The following KIF26B variants were observed in gnomAD, a reference collection of about 807,000 sequenced individuals.
KIF26B encodes kinesin family member 26B.
Under a neutral mutation model 151.2 loss-of-function variants are expected in KIF26B, and 63 were observed. The ratio of observed to expected loss-of-function variants is 0.42; its 90% CI spans 0.34 to 0.51. KIF26B has a LOEUF of 0.51. Ranked by LOEUF, KIF26B falls within the 20% of genes least tolerant of loss-of-function variation. The pLI, the probability that KIF26B is intolerant of heterozygous loss-of-function variation, is 0.07. For missense variants in KIF26B, 2,813 were observed against 2,913.6 expected (o/e 0.97, Z 0.79); for synonymous variants, 1,357 against 1,262.1 (o/e 1.08, Z -1.59).
At position 245,190,640 on chromosome 1, in the gene KIF26B, T is replaced by G. The variant is rs200300540; in HGVS notation, c.465+33957T>G. 8.3e-3 allele frequency among the ~76,000 whole-genome samples: 474 copies of G among 57,018 alleles called. 21 individuals carry two copies. In the East Asian group the frequency reaches 0.12, roughly 14 times the overall value. The allele number at this position is 57,018 out of a possible 152,430, so 37.4% of individuals were successfully genotyped here. On this transcript the variant is annotated intron_variant, in intron 2 of 14. Transcript: ENST00000407071. ...AGTTTTCCCTGAATGTTTTGTTTTG[T>G]TTTTTTTTTTTTTTACATTTCTTAC...
At chr1:245,586,199 T>TGTGTGTGTGTG (rs1440046570) in intron 5 of KIF26B, among the ~76,000 whole-genome samples, 1 of 118,696 alleles carries the variant, frequency 8.4e-6, no homozygotes, top group African/African-American at 3.4e-5. Flanking sequence ...GTGTGTGTGT[T>TGTGTGTGTGTG]TGTTTTAATA....
At chr1:245,382,568 T>C (rs1673437778) in intron 3 of KIF26B, among the ~76,000 whole-genome samples, 1 of 150,784 alleles carries the variant, frequency 6.6e-6, no homozygotes, top group African/African-American at 2.5e-5. Flanking sequence ...GTTTCTTGTT[T>C]TGTTTTGTTT....
chr1:245,517,311 C>T (rs61829904), intron 4 of KIF26B, among the ~76,000 whole-genome samples: 37,557 of 150,712 alleles, frequency 0.25, 5,643 homozygotes, highest in East Asian at 0.49. Flanking sequence ...GCCAAGATTA[C>T]AGCACTGCAC....
At position 245,392,776 on chromosome 1, in the gene KIF26B, C is replaced by T. The variant is rs1487153652; in HGVS notation, c.999+25409C>T. ...GTGTACAAATTCATGTTGGCCTGTT[C>T]TATGAAATATTCTTTAATTATTTTT... On this transcript the variant is annotated intron_variant, in intron 3 of 14. Transcript: ENST00000407071. 5.9e-5 allele frequency among the ~76,000 whole-genome samples: 9 copies of T among 152,160 alleles called. 1 individual carries two copies. Among genetic ancestry groups the T allele is most frequent in the Admixed American group, 5.2e-4 (8 of 15,266 alleles).
chr1:245,524,630 CTG>C (rs577056603), intron 4 of KIF26B, among the ~76,000 whole-genome samples: 11 of 152,066 alleles, frequency 7.2e-5, no homozygotes, highest in Non-Finnish European at 1.5e-4. Flanking sequence ...AGCTAAGTAA[CTG>C]TTTTTTGTAA....
chr1:245,543,193 G>C (rs1661663136), intron 5 of KIF26B, among the ~76,000 whole-genome samples: 1 of 152,066 alleles, frequency 6.6e-6, no homozygotes, highest in African/African-American at 2.4e-5. Context: ...AGGACATCAG[G>C]GTGCCAAGGC....
chr1:245,317,066 T>C (rs1407582867), intron 2 of KIF26B, among the ~76,000 whole-genome samples: 20 of 152,164 alleles, frequency 1.3e-4, no homozygotes. Flanking sequence ...CTGCCTGGAA[T>C]TTTCCTGCTG....
chr1:245,189,581 A>T (rs976214258), intron 2 of KIF26B, among the ~76,000 whole-genome samples: 4 of 152,112 alleles, frequency 2.6e-5, no homozygotes, highest in Non-Finnish European at 5.9e-5. Flanking sequence ...CTTGTTCTAG[A>T]TGTCCGCTGA....
intron 14 of KIF26B, among the ~76,000 whole-genome samples, chr1:245,700,443 G>A (rs2044754693): frequency 6.6e-6 from 1 of 152,094 alleles, no homozygotes. Flanking sequence ...TGTAATCCCA[G>A]CACCTTGGGA....
intron 14 of KIF26B, 35 bp downstream of exon 14, chr1:245,699,072 G>C (rs775563226): frequency 6.2e-7 from 1 of 1,601,876 alleles, no homozygotes; most frequent in Non-Finnish European, 8.5e-7. Flanking sequence ...CTTGTGACTA[G>C]TGGGTTCACC....
chr1:245,158,959 A>G lies in KIF26B; in HGVS notation c.465+2276A>G, dbSNP rs116681333. Among the ~76,000 whole-genome samples the G allele has an allele frequency of 2.6e-3, 401 of 152,206 alleles. 2 individuals are homozygous for G. The highest frequency in any genetic ancestry group is 4.3e-3 in the Non-Finnish European group (290 of 68,022). On this transcript the variant is annotated intron_variant, in intron 2 of 14. Transcript: ENST00000407071. ...GCAACCTTATAGCCAAACAGTTGCCATGTTCTCTGGTGTACCATGGATGGA... is the reference window on the plus strand; with the variant it reads ...GCAACCTTATAGCCAAACAGTTGCCGTGTTCTCTGGTGTACCATGGATGGA...
chr1:245,594,162 C>G (rs1000630256), intron 5 of KIF26B, among the ~76,000 whole-genome samples: 1 of 152,110 alleles, frequency 6.6e-6, no homozygotes, highest in Admixed American at 6.6e-5. Flanking sequence ...TGCAGAAGCT[C>G]TTAGTTTAAT....
chr1:245,565,076 G>A (rs2042996186), intron 5 of KIF26B, among the ~76,000 whole-genome samples: 1 of 152,184 alleles, frequency 6.6e-6, no homozygotes, highest in Non-Finnish European at 1.5e-5. Flanking sequence ...GTTCAAGGCT[G>A]CAATGAGCTA....
chr1:245,277,573 T>A (rs1670961850), intron 2 of KIF26B, among the ~76,000 whole-genome samples: 1 of 152,072 alleles, frequency 6.6e-6, no homozygotes, highest in South Asian at 2.1e-4. Flanking sequence ...CCAAAACAAG[T>A]TTTAGATAAG....
At chr1:245,480,195 C>T (rs1027399360) in intron 4 of KIF26B, among the ~76,000 whole-genome samples, 2 of 150,300 alleles carry the variant, frequency 1.3e-5, no homozygotes, top group African/African-American at 4.9e-5. Context: ...GGGAGGATCA[C>T]TTGAGCCTGG....
At chr1:245,199,303 CCCCTCCCTCCT>C (rs147219059) in intron 2 of KIF26B, among the ~76,000 whole-genome samples, 2 of 152,118 alleles carry the variant, frequency 1.3e-5, no homozygotes, top group African/African-American at 4.8e-5. Flanking sequence ...CATATATACT[CCCCTCCCTCCT>C]CCCTCCCTCC....
At chr1:245,406,785 ATTAC>A (rs1346736787) in intron 3 of KIF26B, among the ~76,000 whole-genome samples, 1 of 151,768 alleles carries the variant, frequency 6.6e-6, no homozygotes, top group Non-Finnish European at 1.5e-5. Context: ...ATTTTATTTT[ATTAC>A]TTATTATTAT....
At chr1:245,164,722 G>A (rs984984466) in intron 2 of KIF26B, among the ~76,000 whole-genome samples, 5 of 152,206 alleles carry the variant, frequency 3.3e-5, no homozygotes, top group South Asian at 2.1e-4. Flanking sequence ...CCTGTAGGAC[G>A]TGGGCAGCCA....
chr1:245,252,091 C>T (rs114219726), intron 2 of KIF26B, among the ~76,000 whole-genome samples: 1,865 of 151,418 alleles, frequency 0.012, 44 homozygotes, highest in African/African-American at 0.041. Context: ...GGTAAAAACC[C>T]GTCTCTGCTA....
Sources: allele counts gnomAD v4.1 joint callset (sites outside exome capture counted in the v4.1 genomes callset), GRCh38; gene constraint gnomAD v4.1.1; transcripts MANE v1.5; gene names NCBI Gene and HGNC (gene_info 2026-07-23, HGNC 2026-07-21).